Variants in WASF3 observed in about 807,000 individuals in gnomAD.
WASF3 encodes WASP family member 3.
A neutral mutation model predicts 46.6 loss-of-function variants in WASF3; 11 were observed. That is an observed-to-expected ratio of 0.24 (90% CI 0.15 to 0.39). WASF3 has a LOEUF of 0.39. Among genes scored for constraint, WASF3 ranks in the 10% least tolerant of loss-of-function variants. WASF3 has a pLI of 1.00. For synonymous variants in WASF3, 242 were observed against 259.7 expected (o/e 0.93, Z 0.65); for missense variants, 576 against 669.8 (o/e 0.86, Z 1.55).
chr13:26,658,134 GTA>G (rs10581228), intron 3 of WASF3, among the ~76,000 whole-genome samples: 149,246 of 152,240 alleles, frequency 0.98, 73,221 homozygotes, highest in East Asian at 1. Flanking sequence ...AGGCTATTGT[GTA>G]TACACTCCCA....
chr13:26,543,715 C>G, the WASF3 span, among the ~76,000 whole-genome samples: 1 of 152,116 alleles, frequency 6.6e-6, no homozygotes. Flanking sequence ...TTCTATGGAA[C>G]CTGCCTCAAG....
chr13:26,681,311 C>T lies in WASF3; in HGVS notation c.974C>T (p.Ala325Val), dbSNP rs1046231066. The change falls in exon 8 of 10, where the codon GCA becomes GTA. Residue 325 changes from alanine to valine, a missense_variant. Transcript: ENST00000335327. Reference sequence around the variant, plus strand: ...CAGGCCTCTGCACCGATGGCTCCAGCAGACTACGGGTAACTCAGCATGCCT... The same window carrying T: ...CAGGCCTCTGCACCGATGGCTCCAGTAGACTACGGGTAACTCAGCATGCCT... ...GSQASAPMAP[A>V]DYGMLPAQII... 1.3e-6 allele frequency: 2 copies of T among 1,597,102 alleles called. No homozygotes were observed. Among genetic ancestry groups the T allele is most frequent in the Non-Finnish European group, 1.7e-6 (2 of 1,172,290 alleles).
intron 2 of WASF3, chr13:26,640,351 ACT>A (rs1338281878): frequency 1.3e-5 from 2 of 151,142 alleles, no homozygotes; most frequent in Non-Finnish European, 3.0e-5. Flanking sequence ...GAGGTTTGAA[ACT>A]CTATAAACTC....
At chr13:26,578,375 T>C (rs1261293901) in intron 1 of WASF3, among the ~76,000 whole-genome samples, 1 of 152,184 alleles carries the variant, frequency 6.6e-6, no homozygotes, top group Non-Finnish European at 1.5e-5. Flanking sequence ...ATTTTAGGCC[T>C]AACATAAATT....
intron 1 of WASF3, among the ~76,000 whole-genome samples, chr13:26,599,195 T>A (rs1380672959): frequency 6.8e-6 from 1 of 147,668 alleles, no homozygotes; most frequent in Non-Finnish European, 1.5e-5. Flanking sequence ...TTTTTTTTTT[T>A]TTTTTTGAGA....
At chr13:26,674,574 G>A (rs1057291033) in intron 6 of WASF3, among the ~76,000 whole-genome samples, 3 of 152,152 alleles carry the variant, frequency 2.0e-5, no homozygotes, top group African/African-American at 7.2e-5. Flanking sequence ...CGAAGTATTT[G>A]TGTATACATA....
intron 1 of WASF3, among the ~76,000 whole-genome samples, chr13:26,573,410 A>G (rs1214042532): frequency 2.0e-5 from 3 of 151,992 alleles, no homozygotes; most frequent in African/African-American, 4.8e-5. Flanking sequence ...GGTTTTAACC[A>G]TTTTTAAGTG....
chr13:26,585,551 G>A (rs1341077156), intron 1 of WASF3, among the ~76,000 whole-genome samples: 1 of 152,114 alleles, frequency 6.6e-6, no homozygotes, highest in Non-Finnish European at 1.5e-5. Context: ...TGGTCTCTTT[G>A]ACTAAGTTAG....
chr13:26,642,128 A>G (rs539202835), intron 2 of WASF3, 133 bp from the exon 3 acceptor site: 1 of 920,878 alleles, frequency 1.1e-6, no homozygotes, highest in East Asian at 2.9e-5. Context: ...GTTGCATTTT[A>G]GCTGATTCTG....
At chr13:26,606,755 C>T (rs1237639327) in intron 1 of WASF3, 3 of 152,114 alleles carry the variant, frequency 2.0e-5, no homozygotes, top group African/African-American at 7.2e-5. Context: ...AGAAATCAGT[C>T]TCTTGGTGTC....
At chr13:26,549,970 T>G in the WASF3 span, among the ~76,000 whole-genome samples, 12 of 152,348 alleles carry the variant, frequency 7.9e-5, no homozygotes, top group Admixed American at 6.5e-4. Flanking sequence ...CTTAGGCAAC[T>G]GCAGCAGGTA....
intron 1 of WASF3, among the ~76,000 whole-genome samples, chr13:26,592,296 T>A (rs934162573): frequency 2.0e-5 from 3 of 152,206 alleles, no homozygotes; most frequent in African/African-American, 7.2e-5. Flanking sequence ...TATTTTTGTT[T>A]TTTTGCGGGA....
intron 1 of WASF3, among the ~76,000 whole-genome samples, chr13:26,583,063 C>G (rs1397239558): frequency 6.7e-6 from 1 of 150,292 alleles, no homozygotes; most frequent in African/African-American, 2.5e-5. Flanking sequence ...AGCCTAGGGT[C>G]TTAGTGGAAA....
At chr13:26,577,963 CTT>C (rs1471398907) in intron 1 of WASF3, among the ~76,000 whole-genome samples, 1 of 152,114 alleles carries the variant, frequency 6.6e-6, no homozygotes, top group Non-Finnish European at 1.5e-5. Flanking sequence ...TATCATGTGA[CTT>C]TGTTGAATTT....
the WASF3 span, among the ~76,000 whole-genome samples, chr13:26,546,915 C>T: frequency 5.4e-4 from 82 of 152,148 alleles, no homozygotes; most frequent in Non-Finnish European, 9.0e-4. Flanking sequence ...CACCCTTACC[C>T]TCTTCATCAA....
chr13:26,554,036 T>TTTCC (rs1566032317), upstream of WASF3, among the ~76,000 whole-genome samples: 1 of 71,798 alleles, frequency 1.4e-5, no homozygotes, highest in African/African-American at 6.9e-5. Context: ...CTTCTTTCTC[T>TTTCC]TTCTTTCCTT....
At chr13:26,573,526 A>C (rs771760797) in intron 1 of WASF3, among the ~76,000 whole-genome samples, 7 of 152,056 alleles carry the variant, frequency 4.6e-5, no homozygotes, top group Non-Finnish European at 8.8e-5. Flanking sequence ...AATGTGTTCT[A>C]TGGACTCTGA....
intron 1 of WASF3, among the ~76,000 whole-genome samples, chr13:26,599,018 A>G (rs997196205): frequency 1.3e-5 from 2 of 151,584 alleles, no homozygotes; most frequent in Non-Finnish European, 2.9e-5. Context: ...TTACACATGC[A>G]TGCCACCGCG....
At chr13:26,680,970 T>G in intron 7 of WASF3, 84 bp from the exon 8 acceptor site, 1 of 1,493,072 alleles carries the variant, frequency 6.7e-7, no homozygotes. Flanking sequence ...AGCAATGTTA[T>G]TATTCAAATA....
Sources: allele counts gnomAD v4.1 joint callset (sites outside exome capture counted in the v4.1 genomes callset), GRCh38; gene constraint gnomAD v4.1.1; transcripts MANE v1.5; gene names NCBI Gene and HGNC (gene_info 2026-07-23, HGNC 2026-07-21).